Variants in RIMS2 observed in about 807,000 individuals in gnomAD.
The protein encoded by RIMS2 is regulating synaptic membrane exocytosis protein 2.
In RIMS2, 59 loss-of-function variants were observed where a neutral mutation model predicts 174.4. The ratio of observed to expected loss-of-function variants is 0.34; its 90% confidence interval spans 0.27 to 0.42. RIMS2 has a LOEUF of 0.42. RIMS2 is among the 10% of genes least tolerant of loss of function. The pLI is 1.00. For missense variants in RIMS2, 1,620 were observed against 1,666.3 expected (o/e 0.97, Z 0.48); for synonymous variants, 606 against 572.5 (o/e 1.06, Z -0.84).
chr8:103,606,498 C>T (rs2095091619), intron 1 of RIMS2, among the ~76,000 whole-genome samples: 1 of 152,258 alleles, frequency 6.6e-6, no homozygotes, highest in East Asian at 1.9e-4. Context: ...GTGGAGAGTT[C>T]TGTAGATGTC....
intron 4 of RIMS2, among the ~76,000 whole-genome samples, chr8:103,905,313 T>A (rs934365790): frequency 6.6e-6 from 1 of 152,102 alleles, no homozygotes; most frequent in Non-Finnish European, 1.5e-5. Flanking sequence ...TTCTTTTGCC[T>A]GAGAATGTAT....
intron 3 of RIMS2, among the ~76,000 whole-genome samples, chr8:103,789,079 C>T (rs1209216539): frequency 1.3e-5 from 2 of 151,830 alleles, no homozygotes; most frequent in African/African-American, 4.8e-5. Flanking sequence ...AAAGGGAACT[C>T]CCTGACCCAT....
At chr8:103,791,577 C>A (rs746371511) in intron 3 of RIMS2, among the ~76,000 whole-genome samples, 4 of 152,084 alleles carry the variant, frequency 2.6e-5, no homozygotes, top group African/African-American at 4.8e-5. Context: ...ACTATATTAA[C>A]CTTAAATATA....
At chr8:103,980,951 A>G (rs1319678894) in intron 16 of RIMS2, among the ~76,000 whole-genome samples, 1 of 152,134 alleles carries the variant, frequency 6.6e-6, no homozygotes, top group Non-Finnish European at 1.5e-5. Flanking sequence ...TTTGACCCCA[A>G]TCCCTAGCTC....
intron 17 of RIMS2, among the ~76,000 whole-genome samples, chr8:103,992,492 A>G (rs942849106): frequency 2.6e-5 from 4 of 151,848 alleles, no homozygotes; most frequent in Non-Finnish European, 4.4e-5. Context: ...GTAGGGCATG[A>G]ATTGGACCTT....
At chr8:104,130,489 G>T (rs1446485426) in intron 19 of RIMS2, among the ~76,000 whole-genome samples, 2 of 152,150 alleles carry the variant, frequency 1.3e-5, no homozygotes, top group Non-Finnish European at 2.9e-5. Context: ...GGTTTCCCAA[G>T]CCTATGGAAG....
At chr8:103,624,163 G>C (rs1249796744) in intron 1 of RIMS2, among the ~76,000 whole-genome samples, 1 of 152,186 alleles carries the variant, frequency 6.6e-6, no homozygotes, top group Non-Finnish European at 1.5e-5. Context: ...ACATTATCTT[G>C]AGGTGTGTCT....
At chr8:103,885,149 T>A (rs888236827) in intron 3 of RIMS2, 149 bp from the exon 7 acceptor site, 1 of 1,180,222 alleles carries the variant, frequency 8.5e-7, no homozygotes, top group Admixed American at 3.0e-5. Context: ...TGAATACTAC[T>A]AAAACCATTG....
intron 1 of RIMS2, among the ~76,000 whole-genome samples, chr8:103,607,014 A>T (rs541946360): frequency 6.6e-6 from 1 of 151,518 alleles, no homozygotes. Context: ...TAAAGTTAAT[A>T]TTGTTATGTG....
chr8:103,956,353 C>T (rs187707905), intron 14 of RIMS2, among the ~76,000 whole-genome samples: 48 of 152,290 alleles, frequency 3.2e-4, no homozygotes, highest in African/African-American at 1.1e-3. Context: ...TCAAACTACA[C>T]TGCAGGGCTA....
At chr8:103,553,327 C>T (rs542064081) in intron 1 of RIMS2, among the ~76,000 whole-genome samples, 10 of 151,984 alleles carry the variant, frequency 6.6e-5, no homozygotes, top group East Asian at 5.8e-4. Flanking sequence ...ACCATCATTC[C>T]GAGCAAACTA....
chr8:104,050,525 A>G (rs967824196), intron 19 of RIMS2, among the ~76,000 whole-genome samples: 1 of 152,196 alleles, frequency 6.6e-6, no homozygotes, highest in African/African-American at 2.4e-5. Flanking sequence ...CCAGCTATGT[A>G]AAGTAGCCAG....
chr8:103,986,224 A>T (rs1209859678), intron 16 of RIMS2, among the ~76,000 whole-genome samples: 1 of 152,204 alleles, frequency 6.6e-6, no homozygotes, highest in Non-Finnish European at 1.5e-5. Flanking sequence ...TGACAAAAAA[A>T]TTTTTAACGA....
intron 1 of RIMS2, among the ~76,000 whole-genome samples, chr8:103,660,496 G>A (rs16870616): frequency 0.18 from 26,854 of 152,086 alleles, 2,556 homozygotes; most frequent in African/African-American, 0.24. Context: ...CAGCCAGCCC[G>A]GAATCTGTCC....
At chr8:103,763,753 GA>G (rs1232765471) in intron 2 of RIMS2, among the ~76,000 whole-genome samples, 1 of 152,138 alleles carries the variant, frequency 6.6e-6, no homozygotes, top group East Asian at 1.9e-4. Flanking sequence ...ATTAACAGAT[GA>G]GGAAAATTAA....
At chr8:104,037,790 T>A (rs2096544970) in intron 19 of RIMS2, among the ~76,000 whole-genome samples, 1 of 152,178 alleles carries the variant, frequency 6.6e-6, no homozygotes, top group Non-Finnish European at 1.5e-5. Context: ...ATTTTATACA[T>A]GCATTAATAT....
At chr8:103,724,662 A>G (rs1482563441) in intron 2 of RIMS2, among the ~76,000 whole-genome samples, 2 of 152,240 alleles carry the variant, frequency 1.3e-5, no homozygotes, top group Admixed American at 6.5e-5. Context: ...ATTTTGATGT[A>G]CAATATAAGA....
intron 9 of RIMS2, 34 bp from the exon 13 acceptor site, chr8:103,921,638 T>G: frequency 1.2e-6 from 1 of 843,646 alleles, no homozygotes; most frequent in Non-Finnish European, 2.1e-6. Context: ...GAAGAGCCAT[T>G]GTTATTATTC....
chr8:103,575,495 A>G (rs12216803), intron 1 of RIMS2, among the ~76,000 whole-genome samples: 18,877 of 152,094 alleles, frequency 0.12, 1,273 homozygotes, highest in Middle Eastern at 0.23. Flanking sequence ...GTTCACTGCA[A>G]CAATGTTTAT....
Sources: gnomAD v4.1 joint callset for allele counts (sites outside exome capture counted in the v4.1 genomes callset) on GRCh38, gnomAD v4.1.1 for gene constraint, MANE v1.5 for transcripts, NCBI Gene and HGNC (gene_info 2026-07-23, HGNC 2026-07-21) for gene names.